PCDHGA2: variants seen among roughly 807,000 people sequenced by gnomAD.
The protein encoded by PCDHGA2 is protocadherin gamma subfamily A, 2, also known as protocadherin gamma-A2.
A neutral mutation model predicts 59.2 loss-of-function variants in PCDHGA2; 40 were observed. The ratio of observed to expected loss-of-function variants is 0.68; its 90% CI spans 0.52 to 0.88. The LOEUF (loss-of-function observed/expected upper bound fraction) is 0.88. Among genes scored for constraint, PCDHGA2 ranks in the 40% least tolerant of loss-of-function variants. The pLI is 0.00. For missense variants in PCDHGA2, 1,226 were observed against 1,204.0 expected, an observed-to-expected ratio of 1.02 and a Z score of -0.27; for synonymous variants, 560 against 526.0, an observed-to-expected ratio of 1.06 and a Z score of -0.89.
At position 141,347,288 on chromosome 5, in the gene PCDHGA2, G is replaced by T. The variant is rs113039525; in HGVS notation, c.2424+5893G>T. Among the ~76,000 whole-genome samples the T allele has an allele frequency of 9.0e-3, 1,364 of 151,872 alleles. 21 individuals are homozygous for T. Among genetic ancestry groups the T allele is most frequent in the African/African-American group, 0.031 (1,293 of 41,352 alleles). ...CCCACCTCAGCCTCCCGAGTAGCTG[G>T]GACTACAGGCACGAGCCACCCTCCC... is the stretch of plus-strand genomic sequence containing the variant. On this transcript the variant is annotated intron_variant, in intron 1 of 3. Transcript: ENST00000394576.
chr5:141,388,636 T>G, intron 1 of PCDHGA2: 1 of 1,613,918 alleles, frequency 6.2e-7, no homozygotes. Context: ...AGGGTGAGCC[T>G]TTCAGAAAAC....
chr5:141,483,099 C>T (rs10068400), intron 1 of PCDHGA2, among the ~76,000 whole-genome samples: 3,098 of 152,014 alleles, frequency 0.02, 87 homozygotes, highest in African/African-American at 0.065. Flanking sequence ...AAAAAGTGTG[C>T]GTGTAAAACA....
chr5:141,455,924 G>A (rs2098837630), intron 1 of PCDHGA2, among the ~76,000 whole-genome samples: 1 of 149,978 alleles, frequency 6.7e-6, no homozygotes. Flanking sequence ...TTGAGACGGA[G>A]TCTCGCTCTG....
At chr5:141,409,743 T>C in intron 1 of PCDHGA2, 2 of 1,613,048 alleles carry the variant, frequency 1.2e-6, no homozygotes, top group Non-Finnish European at 1.7e-6. Flanking sequence ...AGCGGGGTGG[T>C]GTTCGCGCAG....
intron 1 of PCDHGA2, chr5:141,362,026 G>A: frequency 6.2e-7 from 1 of 1,608,520 alleles, no homozygotes; most frequent in Non-Finnish European, 8.5e-7. Context: ...CACAGCGCGT[G>A]CCTTGGGCGA....
At chr5:141,433,220 T>C (rs781745522) in intron 1 of PCDHGA2, 1 of 1,509,734 alleles carries the variant, frequency 6.6e-7, no homozygotes, top group South Asian at 1.2e-5. Flanking sequence ...TTTTTTTTTT[T>C]AATTGCTCTG....
At chr5:141,403,579 C>T in intron 1 of PCDHGA2, 2 of 1,613,926 alleles carry the variant, frequency 1.2e-6, no homozygotes, top group South Asian at 1.1e-5. Flanking sequence ...CTGCCCACCA[C>T]CTGGTCCTCA....
At chr5:141,448,086 TA>T (rs558292628) in intron 1 of PCDHGA2, among the ~76,000 whole-genome samples, 67 of 146,274 alleles carry the variant, frequency 4.6e-4, no homozygotes, top group African/African-American at 8.0e-4. Context: ...AATGCCATCT[TA>T]AAAAAAAAAA....
intron 1 of PCDHGA2, chr5:141,344,153 T>C (rs370783351): frequency 1.2e-6 from 2 of 1,613,884 alleles, no homozygotes; most frequent in Admixed American, 1.7e-5. Flanking sequence ...AGGAGCTAGA[T>C]AAAGGTTCCT....
chr5:141,420,286 A>C, intron 1 of PCDHGA2: 1 of 1,505,774 alleles, frequency 6.6e-7, no homozygotes, highest in Non-Finnish European at 8.9e-7. Flanking sequence ...TAAGTATTTA[A>C]AAATGTATTT....
At chr5:141,496,782 C>T (rs552953558) in intron 2 of PCDHGA2, among the ~76,000 whole-genome samples, 16 of 152,136 alleles carry the variant, frequency 1.1e-4, no homozygotes, top group South Asian at 2.1e-4. Context: ...TGAGCAGGGC[C>T]CTGTGCTAAA....
chr5:141,372,392 T>C (rs1768728273), intron 1 of PCDHGA2: 25 of 1,614,052 alleles, frequency 1.5e-5, no homozygotes, highest in Non-Finnish European at 2.1e-5. Context: ...TCTTCGCAGA[T>C]AGCTTGCAAG....
intron 1 of PCDHGA2, chr5:141,367,869 G>A (rs1765370199): frequency 6.6e-6 from 1 of 152,012 alleles, no homozygotes; most frequent in Non-Finnish European, 1.5e-5. Context: ...AAGTGTAGGT[G>A]CAATTCTTCT....
chr5:141,476,040 G>T lies in PCDHGA2; in HGVS notation c.2425-18767G>T. On this transcript the variant is annotated intron_variant, in intron 1 of 3. Coordinates refer to ENST00000394576, the MANE Select transcript of PCDHGA2 (RefSeq NM_018915.4). This position sits in a 1 kb window ranked among gnomAD's most constrained non-coding sequence, Gnocchi z 7.6. ...CGGACTCGGCGCCCAGCGCCCAAGC[G>T]CTAACCCGCTGAAAGTTTCTCAGCG... is the stretch of plus-strand genomic sequence containing the variant. 1 of 1,488,704 alleles carries T rather than the reference G, an allele frequency of 6.7e-7. No homozygotes were observed. 92.2% of individuals were successfully genotyped at this position (1,488,704 alleles called of 1,614,324 possible).
chr5:141,435,603 T>C (rs1195458514), intron 1 of PCDHGA2, among the ~76,000 whole-genome samples: 1 of 152,218 alleles, frequency 6.6e-6, no homozygotes, highest in African/African-American at 2.4e-5. Flanking sequence ...GCCTGCTTTT[T>C]ACATTAAATT....
intron 1 of PCDHGA2, among the ~76,000 whole-genome samples, chr5:141,437,741 CT>C (rs35124340): frequency 3.0e-3 from 425 of 141,590 alleles, no homozygotes; most frequent in African/African-American, 3.7e-3. Context: ...TTGAGTTCAC[CT>C]TTTTTTTTTT....
chr5:141,486,408 C>T lies in PCDHGA2; in HGVS notation c.2425-8399C>T. On this transcript the variant is annotated intron_variant, in intron 1 of 3. Coordinates refer to ENST00000394576, the MANE Select transcript of PCDHGA2 (RefSeq NM_018915.4). This position sits in a 1 kb window ranked among gnomAD's most constrained non-coding sequence, Gnocchi z 5.0. ...CAGTTCTCCCTGGTGACTGCTGGAC[C>T]CTTGGATCGAGAGGCCAAATCTAGC... is the stretch of plus-strand genomic sequence containing the variant. The T allele has an allele frequency of 1.2e-6, 2 of 1,614,156 alleles. No individual in the cohort carries two copies. Among genetic ancestry groups the T allele is most frequent in the South Asian group, 2.2e-5 (2 of 91,084 alleles).
chr5:141,361,428 C>T lies in PCDHGA2; in HGVS notation c.2424+20033C>T, dbSNP rs753837772. 5.0e-6 allele frequency: 8 copies of T among 1,614,050 alleles called. No individual in the cohort carries two copies. The African/African-American group carries it at 9.3e-5, about 19-fold the overall frequency. ...CAGCCACCGACGGGGGCAAGCCGCCCCTCTCCTCCAGCATAATTGTCACCC... is the reference window on the plus strand; with the variant it reads ...CAGCCACCGACGGGGGCAAGCCGCCTCTCTCCTCCAGCATAATTGTCACCC... On this transcript the variant is annotated intron_variant, in intron 1 of 3. Transcript: ENST00000394576.
At chr5:141,345,776 C>T in intron 1 of PCDHGA2, 3 of 1,614,142 alleles carry the variant, frequency 1.9e-6, no homozygotes, top group South Asian at 1.1e-5. Flanking sequence ...CGCCTCGCTC[C>T]GCAGAGCCCG....
Sources: gnomAD v4.1 joint callset for allele counts (sites outside exome capture counted in the v4.1 genomes callset) on GRCh38, gnomAD v4.1.1 for gene constraint, Gnocchi (gnomAD v3.1) non-coding constraint, MANE v1.5 for transcripts, NCBI Gene and HGNC (gene_info 2026-07-23, HGNC 2026-07-21) for gene names.